Variants in GALNTL6 observed in about 807,000 individuals in gnomAD.
GALNTL6 encodes polypeptide N-acetylgalactosaminyltransferase-like 6.
GALNTL6 carries 46 observed loss-of-function variants against 73.7 expected under a neutral mutation model. That is an observed-to-expected ratio of 0.62 (90% confidence interval 0.49 to 0.80). The LOEUF is 0.80. GALNTL6 is among the 30% of genes least tolerant of loss of function. The probability of loss-of-function intolerance (pLI) is 0.00; values close to 1 mark genes in which losing one functional copy is unlikely to be tolerated. For missense variants in GALNTL6, 604 were observed against 755.0 expected (o/e 0.80, Z 2.34); for synonymous variants, 259 against 263.7 (o/e 0.98, Z 0.17).
intron 2 of GALNTL6, among the ~76,000 whole-genome samples, chr4:171,866,728 C>A (rs960443419): frequency 2.0e-5 from 3 of 152,170 alleles, no homozygotes; most frequent in African/African-American, 7.2e-5. Flanking sequence ...TTGCACATTG[C>A]AGACTGCTGA....
intron 8 of GALNTL6, among the ~76,000 whole-genome samples, chr4:172,893,132 G>T (rs1485379129): frequency 6.6e-6 from 1 of 152,208 alleles, no homozygotes; most frequent in African/African-American, 2.4e-5. Context: ...TGCCCCAGGA[G>T]TGGGCCTGAC....
chr4:171,961,468 T>C (rs535064279), intron 2 of GALNTL6, among the ~76,000 whole-genome samples: 1 of 152,184 alleles, frequency 6.6e-6, no homozygotes, highest in Admixed American at 6.5e-5. Flanking sequence ...ATTCCTTCTA[T>C]GGGACAAAGT....
At chr4:172,317,105 A>G (rs1160484045) in intron 4 of GALNTL6, among the ~76,000 whole-genome samples, 2 of 152,206 alleles carry the variant, frequency 1.3e-5, no homozygotes, top group Non-Finnish European at 2.9e-5. Context: ...GATAAGTAGT[A>G]CATACTTACA....
intron 5 of GALNTL6, among the ~76,000 whole-genome samples, chr4:172,587,118 G>A (rs1438347002): frequency 7.0e-6 from 1 of 142,292 alleles, no homozygotes; most frequent in African/African-American, 2.4e-5. Context: ...AAAATATTGG[G>A]GTTCTAAGAA....
At chr4:172,013,156 C>T (rs1171621546) in intron 2 of GALNTL6, among the ~76,000 whole-genome samples, 2 of 152,068 alleles carry the variant, frequency 1.3e-5, no homozygotes, top group African/African-American at 4.8e-5. Flanking sequence ...TCACCTCAAA[C>T]ATTTATCATT....
chr4:171,983,513 G>T (rs769727474), intron 2 of GALNTL6, among the ~76,000 whole-genome samples: 20 of 140,992 alleles, frequency 1.4e-4, no homozygotes, highest in African/African-American at 2.4e-4. Flanking sequence ...TATTTGAGAC[G>T]GGGTCTCTCA....
At chr4:172,568,110 C>T (rs1193456159) in intron 5 of GALNTL6, among the ~76,000 whole-genome samples, 1 of 152,074 alleles carries the variant, frequency 6.6e-6, no homozygotes, top group East Asian at 1.9e-4. Context: ...ATTTTCTGTG[C>T]ATTTTTTGCT....
chr4:173,023,280 G>C (rs72708769), intron 12 of GALNTL6, among the ~76,000 whole-genome samples: 3,502 of 152,232 alleles, frequency 0.023, 70 homozygotes, highest in Non-Finnish European at 0.031. Flanking sequence ...TCATCCAAAG[G>C]TGGACTTGTT....
intron 5 of GALNTL6, among the ~76,000 whole-genome samples, chr4:172,536,007 C>A (rs1036719231): frequency 1.3e-5 from 2 of 152,132 alleles, no homozygotes; most frequent in African/African-American, 4.8e-5. Context: ...GTGGTGGTTA[C>A]CTTCATGCTG....
chr4:172,465,785 G>A (rs1732790784), intron 5 of GALNTL6, among the ~76,000 whole-genome samples: 1 of 152,092 alleles, frequency 6.6e-6, no homozygotes, highest in Non-Finnish European at 1.5e-5. Flanking sequence ...AAACAACCCA[G>A]GGTAATAATA....
intron 12 of GALNTL6, among the ~76,000 whole-genome samples, chr4:173,029,631 C>T (rs1030992499): frequency 5.9e-5 from 9 of 152,298 alleles, no homozygotes; most frequent in African/African-American, 2.2e-4. Flanking sequence ...CCTGCCTTAA[C>T]TTCACACACT....
chr4:172,424,874 T>C (rs1731172166), intron 5 of GALNTL6, among the ~76,000 whole-genome samples: 2 of 147,904 alleles, frequency 1.4e-5, no homozygotes, highest in South Asian at 4.4e-4. Context: ...AATAAAATTG[T>C]TTTCAATGAC....
At chr4:172,190,067 A>C (rs1735528397) in intron 2 of GALNTL6, among the ~76,000 whole-genome samples, 1 of 152,202 alleles carries the variant, frequency 6.6e-6, no homozygotes, top group African/African-American at 2.4e-5. Context: ...CAACAATGTT[A>C]AAATAAATCT....
At chr4:172,207,812 C>A (rs1303942322) in intron 2 of GALNTL6, among the ~76,000 whole-genome samples, 1 of 152,200 alleles carries the variant, frequency 6.6e-6, no homozygotes, top group Non-Finnish European at 1.5e-5. Flanking sequence ...GAAAAGCCTT[C>A]ATAACTTGCA....
intron 4 of GALNTL6, among the ~76,000 whole-genome samples, chr4:172,329,119 C>A (rs2111177754): frequency 6.6e-6 from 1 of 152,216 alleles, no homozygotes; most frequent in South Asian, 2.1e-4. Context: ...TCCATTTTTT[C>A]TTGAGGTGGG....
chr4:172,533,376 G>A (rs1320884415), intron 5 of GALNTL6, among the ~76,000 whole-genome samples: 2 of 137,318 alleles, frequency 1.5e-5, no homozygotes, highest in African/African-American at 5.6e-5. Context: ...CCAGGCTGGA[G>A]TGCAGTGGTG....
intron 2 of GALNTL6, among the ~76,000 whole-genome samples, chr4:172,154,176 T>G (rs1734184435): frequency 6.6e-6 from 1 of 152,164 alleles, no homozygotes; most frequent in Admixed American, 6.5e-5. Flanking sequence ...TTTTTTCGTT[T>G]TCCATAACTA....
chr4:172,668,147 G>A (rs985735545), intron 5 of GALNTL6: 1 of 152,146 alleles, frequency 6.6e-6, no homozygotes, highest in Non-Finnish European at 1.5e-5. Context: ...AGAAAAAAAT[G>A]TGTTGCTCTT....
intron 2 of GALNTL6, among the ~76,000 whole-genome samples, chr4:171,860,029 T>G (rs1735792627): frequency 6.6e-6 from 1 of 152,328 alleles, no homozygotes; most frequent in African/African-American, 2.4e-5. Flanking sequence ...CAGACCTTTC[T>G]TTGGAATGTT....
Sources: gnomAD v4.1 joint callset for allele counts (sites outside exome capture counted in the v4.1 genomes callset) on GRCh38, gnomAD v4.1.1 for gene constraint, MANE v1.5 for transcripts, NCBI Gene and HGNC (gene_info 2026-07-23, HGNC 2026-07-21) for gene names.